The following SLC35F4 variants were observed in gnomAD, a reference collection of about 807,000 sequenced individuals.
The protein encoded by SLC35F4 is chromosome 14 open reading frame 36.
In SLC35F4, 24 loss-of-function variants were observed where a neutral mutation model predicts 44.2. The observed-to-expected ratio is 0.54, with a 90% CI of 0.39 to 0.76. SLC35F4 has a LOEUF of 0.76. Ranked by LOEUF, SLC35F4 falls within the 30% of genes least tolerant of loss-of-function variation. SLC35F4 has a pLI of 0.00. For missense variants in SLC35F4, 562 were observed against 586.1 expected, an observed-to-expected ratio of 0.96 and a Z score of 0.42; for synonymous variants, 238 against 223.6, an observed-to-expected ratio of 1.06 and a Z score of -0.57.
At chr14:57,772,399 G>A (rs981190051) in intron 1 of SLC35F4, among the ~76,000 whole-genome samples, 1 of 151,952 alleles carries the variant, frequency 6.6e-6, no homozygotes, top group Non-Finnish European at 1.5e-5. Context: ...TTTGATTAGG[G>A]GGTACATGTG....
chr14:57,733,383 C>T (rs1351210052), intron 1 of SLC35F4, among the ~76,000 whole-genome samples: 1 of 131,188 alleles, frequency 7.6e-6, no homozygotes, highest in Non-Finnish European at 1.6e-5. Context: ...AAAAAAAAAT[C>T]CCAGCAAACC....
intron 1 of SLC35F4, among the ~76,000 whole-genome samples, chr14:57,957,902 C>T (rs1002191750): frequency 9.9e-5 from 15 of 152,182 alleles, no homozygotes; most frequent in African/African-American, 3.6e-4. Flanking sequence ...CACACACTTA[C>T]GTATATATTT....
At chr14:57,946,073 TTC>T (rs1890021025) in intron 1 of SLC35F4, among the ~76,000 whole-genome samples, 1 of 152,224 alleles carries the variant, frequency 6.6e-6, no homozygotes, top group Non-Finnish European at 1.5e-5. Flanking sequence ...ATTCTGTGGG[TTC>T]TCTGTTTACT....
At chr14:57,952,295 A>G (rs1890156010) in intron 1 of SLC35F4, among the ~76,000 whole-genome samples, 1 of 152,198 alleles carries the variant, frequency 6.6e-6, no homozygotes, top group African/African-American at 2.4e-5. Context: ...CACCAGCATC[A>G]AAGACCAAAG....
intron 1 of SLC35F4, among the ~76,000 whole-genome samples, chr14:57,627,873 A>T (rs138593820): frequency 0.022 from 3,393 of 152,172 alleles, 69 homozygotes; most frequent in Middle Eastern, 0.048. Flanking sequence ...TCTCCGAGTC[A>T]AAAGGACTGA....
At chr14:57,867,852 C>T (rs2141025195), upstream of SLC35F4, among the ~76,000 whole-genome samples, 1 of 152,122 alleles carries the variant, frequency 6.6e-6, no homozygotes, top group East Asian at 1.9e-4. Context: ...AATTAGGAAA[C>T]AATTCAAGCA....
In SLC35F4 at chr14:57,700,017, T is replaced by A. The variant is rs375330540; in HGVS notation, c.104-105893A>T. Reference sequence around the variant, plus strand: ...AGTGGATGTCTGAAACCACAAATAGTACTGAACCCTATAGGTACTATATTT... The same window carrying A: ...AGTGGATGTCTGAAACCACAAATAGAACTGAACCCTATAGGTACTATATTT... On this transcript the variant is annotated intron_variant, in intron 1 of 7. Coordinates refer to ENST00000556826, the MANE Select transcript of SLC35F4 (RefSeq NM_001306087.2). Among the ~76,000 whole-genome samples, 6 of 152,286 alleles carry A rather than the reference T, an allele frequency of 3.9e-5. No homozygotes were observed. In the East Asian group the frequency reaches 7.7e-4, roughly 20 times the overall value.
intron 1 of SLC35F4, among the ~76,000 whole-genome samples, chr14:57,823,648 T>C (rs1595146574): frequency 6.6e-6 from 1 of 152,134 alleles, no homozygotes; most frequent in African/African-American, 2.4e-5. Context: ...ATGTTAAAAG[T>C]CTTGGGAGTC....
At chr14:57,596,823 G>T (rs777600171) in intron 1 of SLC35F4, 1 of 1,367,516 alleles carries the variant, frequency 7.3e-7, no homozygotes, top group Non-Finnish European at 9.8e-7. Context: ...GTGATATACC[G>T]CAAAGCCCAT....
At chr14:57,786,623 G>C (rs1240470914) in intron 1 of SLC35F4, among the ~76,000 whole-genome samples, 7 of 152,170 alleles carry the variant, frequency 4.6e-5, no homozygotes, top group Non-Finnish European at 8.8e-5. Context: ...TACCAGCCCG[G>C]AGCCAGGTAG....
chr14:57,863,311 A>C (rs1887838412), intron 1 of SLC35F4, among the ~76,000 whole-genome samples: 1 of 152,164 alleles, frequency 6.6e-6, no homozygotes, highest in African/African-American at 2.4e-5. Context: ...TTTTTGCATC[A>C]GCCTGACTAC....
intron 1 of SLC35F4, among the ~76,000 whole-genome samples, chr14:57,779,290 G>A (rs1327929083): frequency 4.6e-5 from 7 of 151,916 alleles, no homozygotes; most frequent in Non-Finnish European, 8.8e-5. Context: ...AATTAGAAAC[G>A]ATAAAGGAGA....
rs149417889 is a variant in SLC35F4 at position 57,932,414 on chromosome 14, G to A, written n.282+49499C>T. Among the ~76,000 whole-genome samples the A allele has an allele frequency of 5.3e-4, 80 of 152,250 alleles. 1 individual carries two copies. The highest frequency in any genetic ancestry group is 3.1e-3 in the Admixed American group (48 of 15,296). ...ATTTTTTCACAGTCATAGTTTTCAC[G>A]TCTTTTCATATCCATGCATACAAAT... On this transcript the variant is annotated intron_variant and non_coding_transcript_variant, in intron 1 of 1. Transcript: ENST00000556568.
chr14:57,784,179 A>G (rs1191833213), intron 1 of SLC35F4, among the ~76,000 whole-genome samples: 3 of 152,204 alleles, frequency 2.0e-5, no homozygotes, highest in Non-Finnish European at 2.9e-5. Context: ...ACTGAAGATG[A>G]CATGATGGAG....
chr14:57,922,614 C>A (rs1242828022), intron 1 of SLC35F4, among the ~76,000 whole-genome samples: 1 of 152,204 alleles, frequency 6.6e-6, no homozygotes, highest in East Asian at 1.9e-4. Context: ...TCCTCCTCTT[C>A]CTCTGCTCTG....
At chr14:57,977,294 G>A (rs1384709365) in intron 1 of SLC35F4, among the ~76,000 whole-genome samples, 2 of 152,188 alleles carry the variant, frequency 1.3e-5, no homozygotes, top group African/African-American at 4.8e-5. Context: ...GTGTGGTGCA[G>A]GCTGCTCTGC....
chr14:57,861,349 TC>T (rs1331795086), intron 1 of SLC35F4, among the ~76,000 whole-genome samples: 1 of 152,202 alleles, frequency 6.6e-6, no homozygotes, highest in Non-Finnish European at 1.5e-5. Context: ...TAAGGCAATG[TC>T]CCTTCTCTTG....
chr14:57,664,968 G>A (rs978653125), intron 1 of SLC35F4, among the ~76,000 whole-genome samples: 2 of 152,136 alleles, frequency 1.3e-5, no homozygotes, highest in South Asian at 2.1e-4. Flanking sequence ...CAAGAAGGCA[G>A]GTGGGCAGGA....
chr14:57,579,337 C>G (rs757385318), intron 4 of SLC35F4: 16 of 152,184 alleles, frequency 1.1e-4, no homozygotes, highest in Non-Finnish European at 2.2e-4. Flanking sequence ...AGCCTATAGG[C>G]AGATTTTTGA....
Sources: allele counts gnomAD v4.1 joint callset (sites outside exome capture counted in the v4.1 genomes callset), GRCh38; gene constraint gnomAD v4.1.1; transcripts MANE v1.5; gene names NCBI Gene and HGNC (gene_info 2026-07-23, HGNC 2026-07-21).